PIBF1: variants seen among roughly 807,000 people sequenced by gnomAD.
The protein encoded by PIBF1 is progesterone-induced-blocking factor 1.
A neutral mutation model predicts 112.5 loss-of-function variants in PIBF1; 90 were observed. The observed-to-expected ratio is 0.80, with a 90% CI of 0.67 to 0.95. The LOEUF (loss-of-function observed/expected upper bound fraction) is 0.95, where lower values mean the gene tolerates loss of function less well. Among genes scored for constraint, PIBF1 ranks in the 40% least tolerant of loss-of-function variants. PIBF1 has a pLI of 0.00. For synonymous variants in PIBF1, 301 were observed against 288.6 expected (o/e 1.04, Z -0.44); for missense variants, 915 against 852.3 (o/e 1.07, Z -0.92).
intron 14 of PIBF1, among the ~76,000 whole-genome samples, chr13:72,952,650 G>A (rs202210570): frequency 4.6e-5 from 6 of 131,422 alleles, no homozygotes; most frequent in Admixed American, 7.6e-5. Flanking sequence ...TTTTTTTTTA[G>A]TTTTTTTTTA....
intron 14 of PIBF1, among the ~76,000 whole-genome samples, chr13:72,947,700 C>A (rs964617698): frequency 3.9e-5 from 6 of 152,032 alleles, no homozygotes; most frequent in Admixed American, 3.9e-4. Context: ...GATCTAGAAC[C>A]AGAAATACCA....
intron 10 of PIBF1, among the ~76,000 whole-genome samples, chr13:72,876,222 G>C (rs950870739): frequency 2.6e-5 from 3 of 114,988 alleles, no homozygotes; most frequent in African/African-American, 1.0e-4. Flanking sequence ...TATTCCCTTT[G>C]TCTTTTTGTC....
intron 15 of PIBF1, among the ~76,000 whole-genome samples, chr13:72,970,028 T>C (rs2042848388): frequency 6.6e-6 from 1 of 152,212 alleles, no homozygotes; most frequent in Non-Finnish European, 1.5e-5. Flanking sequence ...CATCAATTGA[T>C]GATTTTTAAA....
intron 13 of PIBF1, 35 bp from the exon 14 acceptor site, chr13:72,931,130 T>C: frequency 7.6e-7 from 1 of 1,321,376 alleles, no homozygotes; most frequent in Non-Finnish European, 1.1e-6. Context: ...AGTATTTCAC[T>C]TTTAAGCATT....
At chr13:72,906,754 A>G (rs17089828) in intron 11 of PIBF1, among the ~76,000 whole-genome samples, 15,766 of 152,080 alleles carry the variant, frequency 0.1, 2,321 homozygotes, top group African/African-American at 0.33. Flanking sequence ...CATCTTCAAC[A>G]TTTTGATTCC....
intron 16 of PIBF1, among the ~76,000 whole-genome samples, chr13:72,997,246 A>G (rs532883536): frequency 1.3e-5 from 2 of 152,282 alleles, no homozygotes; most frequent in South Asian, 2.1e-4. Flanking sequence ...TTTCCCTTCT[A>G]CTTATCTTGG....
chr13:72,998,794 A>G lies in PIBF1; in HGVS notation c.2050-28A>G, dbSNP rs774690476. 3.2e-6 allele frequency: 5 copies of G among 1,555,526 alleles called. No homozygotes were observed. In the East Asian group the frequency reaches 9.0e-5, roughly 28 times the overall value. On this transcript the variant is annotated intron_variant, in intron 16 of 17. Coordinates refer to ENST00000326291, the MANE Select transcript of PIBF1 (RefSeq NM_006346.4). ...TCTGCTTGCTAAAATCACTCTTGCT[A>G]CTTTCTTCTGTTTTCATATATCAAC...
chr13:72,837,078 A>G (rs2037395339), intron 9 of PIBF1, among the ~76,000 whole-genome samples: 1 of 152,096 alleles, frequency 6.6e-6, no homozygotes. Context: ...ATGGCAAAGA[A>G]TTTCAAAATA....
intron 10 of PIBF1, among the ~76,000 whole-genome samples, chr13:72,890,034 TTAA>T (rs986478395): frequency 6.6e-6 from 1 of 152,214 alleles, no homozygotes; most frequent in Non-Finnish European, 1.5e-5. Flanking sequence ...GATGACCTTG[TTAA>T]TAAGAGTTGG....
At chr13:72,986,991 T>G (rs2043311633) in intron 16 of PIBF1, among the ~76,000 whole-genome samples, 1 of 152,082 alleles carries the variant, frequency 6.6e-6, no homozygotes, top group South Asian at 2.1e-4. Flanking sequence ...GCGCCCGGCC[T>G]CTGTCATCTT....
chr13:73,005,757 C>G (rs2044013667), intron 17 of PIBF1, among the ~76,000 whole-genome samples: 1 of 152,004 alleles, frequency 6.6e-6, no homozygotes, highest in African/African-American at 2.4e-5. Context: ...TTATAACACA[C>G]ATGGAAAATT....
intron 17 of PIBF1, among the ~76,000 whole-genome samples, chr13:73,003,568 T>C (rs979938414): frequency 3.3e-5 from 5 of 151,926 alleles, no homozygotes; most frequent in African/African-American, 1.2e-4. Flanking sequence ...GAAGGAAAAT[T>C]AGTGTAGTCA....
chr13:72,973,096 G>A (rs1266236818), intron 15 of PIBF1, among the ~76,000 whole-genome samples: 2 of 152,110 alleles, frequency 1.3e-5, no homozygotes, highest in Non-Finnish European at 2.9e-5. Flanking sequence ...TCTCAGTTAC[G>A]TTGTCAAATG....
intron 15 of PIBF1, among the ~76,000 whole-genome samples, chr13:72,968,361 C>T (rs368733044): frequency 2.6e-5 from 4 of 151,300 alleles, no homozygotes; most frequent in African/African-American, 4.9e-5. Context: ...AGTGCAATGG[C>T]GCGATCTCGG....
intron 13 of PIBF1, among the ~76,000 whole-genome samples, chr13:72,921,711 A>G (rs539219884): frequency 2.6e-5 from 4 of 152,290 alleles, no homozygotes; most frequent in East Asian, 1.9e-4. Flanking sequence ...TTAGTTGCCT[A>G]TTGCAACCCA....
At chr13:72,787,501 G>T (rs765494210) in intron 2 of PIBF1, among the ~76,000 whole-genome samples, 1 of 152,128 alleles carries the variant, frequency 6.6e-6, no homozygotes, top group East Asian at 1.9e-4. Flanking sequence ...AGCAAAGAAG[G>T]TTCATGGGGT....
At chr13:72,980,327 G>C (rs1007417841) in intron 16 of PIBF1, among the ~76,000 whole-genome samples, 1 of 152,178 alleles carries the variant, frequency 6.6e-6, no homozygotes, top group African/African-American at 2.4e-5. Context: ...AGGAAAAAGT[G>C]CTTACACAAA....
At chr13:72,988,065 G>A (rs1242817338) in intron 16 of PIBF1, among the ~76,000 whole-genome samples, 1 of 150,910 alleles carries the variant, frequency 6.6e-6, no homozygotes, top group Non-Finnish European at 1.5e-5. Context: ...GTTTCACCAT[G>A]CTGGCCAGGA....
intron 9 of PIBF1, among the ~76,000 whole-genome samples, chr13:72,842,235 T>C (rs1245002427): frequency 1.3e-5 from 2 of 152,198 alleles, no homozygotes; most frequent in African/African-American, 2.4e-5. Context: ...TACCTTTATT[T>C]AAGGTGGTCT....
Sources: allele counts gnomAD v4.1 joint callset (sites outside exome capture counted in the v4.1 genomes callset), GRCh38; gene constraint gnomAD v4.1.1; transcripts MANE v1.5; gene names NCBI Gene and HGNC (gene_info 2026-07-23, HGNC 2026-07-21).